The following PRR5L variants were observed in gnomAD, a reference collection of about 807,000 sequenced individuals.
PRR5L encodes the protein proline-rich protein 5-like.
In PRR5L, 21 loss-of-function variants were observed where a neutral mutation model predicts 36.4. The observed-to-expected ratio is 0.58, with a 90% CI of 0.41 to 0.83. The LOEUF is 0.83. Ranked by LOEUF, PRR5L falls within the 40% of genes least tolerant of loss-of-function variation. The probability of loss-of-function intolerance (pLI) is 0.00; values close to 1 mark genes in which losing one functional copy is unlikely to be tolerated. For synonymous variants in PRR5L, 188 were observed against 197.0 expected (o/e 0.95, Z 0.38); for missense variants, 381 against 473.3 (o/e 0.80, Z 1.81).
In PRR5L at chr11:36,337,673, A is replaced by G. The variant is rs376922485; in HGVS notation, c.-126+41235A>G. 2.6e-3 allele frequency among the ~76,000 whole-genome samples: 397 copies of G among 152,296 alleles called. 1 individual carries two copies. The highest frequency in any genetic ancestry group is 9.2e-3 in the African/African-American group (384 of 41,564). ...TAGCCTCCTTGCGTCCTTCCTGCAC[A>G]GTTGCTGCCATATTGTTCCGCATGG... On this transcript the variant is annotated intron_variant, in intron 1 of 8. Coordinates refer to ENST00000530639, the MANE Select transcript of PRR5L (RefSeq NM_001160167.2).
chr11:36,332,928 C>T (rs1856733813), intron 1 of PRR5L, among the ~76,000 whole-genome samples: 1 of 152,156 alleles, frequency 6.6e-6, no homozygotes, highest in Non-Finnish European at 1.5e-5. Context: ...ATTACCCAGT[C>T]TTGGGTGTTC....
At chr11:36,357,345 A>C (rs563299268) in intron 1 of PRR5L, among the ~76,000 whole-genome samples, 1 of 152,380 alleles carries the variant, frequency 6.6e-6, no homozygotes, top group African/African-American at 2.4e-5. Context: ...AAGCTGCAGT[A>C]AGTTATATGG....
intron 5 of PRR5L, among the ~76,000 whole-genome samples, chr11:36,436,059 T>C: frequency 6.6e-6 from 1 of 152,320 alleles, no homozygotes; most frequent in South Asian, 2.1e-4. Context: ...ATTTTCCCCC[T>C]GTGAATTTCA....
intron 1 of PRR5L, among the ~76,000 whole-genome samples, chr11:36,369,503 G>A (rs1017096824): frequency 3.9e-5 from 6 of 152,102 alleles, no homozygotes; most frequent in African/African-American, 1.4e-4. Context: ...TGGAAAAGGC[G>A]GTATGGTCTG....
intron 8 of PRR5L, among the ~76,000 whole-genome samples, chr11:36,453,284 CA>C (rs1446261624): frequency 6.6e-6 from 1 of 152,200 alleles, no homozygotes; most frequent in Non-Finnish European, 1.5e-5. Flanking sequence ...GCCTTCAGTT[CA>C]TAAATCCTTA....
chr11:36,330,992 G>C (rs981740696), intron 1 of PRR5L, among the ~76,000 whole-genome samples: 4 of 152,114 alleles, frequency 2.6e-5, no homozygotes, highest in African/African-American at 9.7e-5. Flanking sequence ...TTTTAGTAGA[G>C]ATGGGGTTAC....
intron 2 of PRR5L, among the ~76,000 whole-genome samples, chr11:36,403,059 C>T (rs995927436): frequency 5.3e-5 from 8 of 152,176 alleles, no homozygotes; most frequent in African/African-American, 1.9e-4. Flanking sequence ...GGGCCGCCAG[C>T]GAGGTGAGGG....
chr11:36,380,439 G>A (rs895544580), intron 1 of PRR5L: 4 of 152,134 alleles, frequency 2.6e-5, no homozygotes, highest in Non-Finnish European at 5.9e-5. Flanking sequence ...GGACCTGTTT[G>A]CATTTTAATT....
intron 8 of PRR5L, among the ~76,000 whole-genome samples, chr11:36,462,003 T>C (rs748105310): frequency 2.0e-5 from 3 of 152,090 alleles, no homozygotes; most frequent in Non-Finnish European, 4.4e-5. Context: ...CAGAGGACAT[T>C]GATTGAAAGG....
At chr11:36,369,136 T>C (rs1857173278) in intron 1 of PRR5L, among the ~76,000 whole-genome samples, 1 of 152,222 alleles carries the variant, frequency 6.6e-6, no homozygotes. Context: ...GTGGTGATGA[T>C]AATCTGGGGT....
At chr11:36,310,352 G>T (rs1393933254) in intron 1 of PRR5L, among the ~76,000 whole-genome samples, 2 of 152,122 alleles carry the variant, frequency 1.3e-5, no homozygotes, top group East Asian at 3.8e-4. Context: ...CTTAGGAGCT[G>T]TTTACACTTT....
chr11:36,302,397 G>A (rs1328740927), intron 1 of PRR5L, among the ~76,000 whole-genome samples: 1 of 152,194 alleles, frequency 6.6e-6, no homozygotes, highest in African/African-American at 2.4e-5. Context: ...GAGTCACCAA[G>A]AGATGGGAAG....
Position 36,406,991 on chromosome 11 carries a change from C to T in PRR5L, c.245+3613C>T, listed in dbSNP as rs142420010. Among the ~76,000 whole-genome samples, 800 of 152,266 alleles carry T rather than the reference C, an allele frequency of 5.3e-3. 10 individuals carry two copies. Among genetic ancestry groups the T allele is most frequent in the African/African-American group, 0.018 (754 of 41,548 alleles). ...AAATGAGGATAATAATAGCACTAAC[C>T]TCATGGTCATTGGGAGGATTGAGAT... On this transcript the variant is annotated intron_variant, in intron 3 of 8. Coordinates refer to ENST00000530639, the MANE Select transcript of PRR5L (RefSeq NM_001160167.2).
chr11:36,417,017 C>CT, intron 3 of PRR5L, among the ~76,000 whole-genome samples: 2 of 152,264 alleles, frequency 1.3e-5, no homozygotes, highest in East Asian at 3.9e-4. Flanking sequence ...ATTTTGAAGT[C>CT]CCCCTTAACC....
rs979118756 is a variant in PRR5L at position 36,377,925 on chromosome 11, T to C, written c.-125-23072T>C. ...CTGGACCTGTTGCCCAGACGACACG[T>C]GCACATTCAGATGACCCATGCTAAG... On this transcript the variant is annotated intron_variant, in intron 1 of 8. Coordinates refer to ENST00000530639, the MANE Select transcript of PRR5L (RefSeq NM_001160167.2). This position sits in a 1 kb window ranked among gnomAD's most constrained non-coding sequence, Gnocchi z 5.1. Among the ~76,000 whole-genome samples the C allele has an allele frequency of 5.3e-5, 8 of 152,120 alleles. No individual in the cohort carries two copies. Among genetic ancestry groups the C allele is most frequent in the African/African-American group, 1.4e-4 (6 of 41,434 alleles).
At chr11:36,438,435 T>C (rs1430944105) in intron 6 of PRR5L, among the ~76,000 whole-genome samples, 1 of 152,242 alleles carries the variant, frequency 6.6e-6, no homozygotes, top group Non-Finnish European at 1.5e-5. Context: ...AATTTTGGAT[T>C]GCTGAAAACA....
chr11:36,315,223 A>T (rs1395680475), intron 1 of PRR5L, among the ~76,000 whole-genome samples: 1 of 152,184 alleles, frequency 6.6e-6, no homozygotes, highest in African/African-American at 2.4e-5. Context: ...ACTGTCGGGG[A>T]GATGAAATGA....
intron 1 of PRR5L, among the ~76,000 whole-genome samples, chr11:36,369,871 ACAGGCATGAAC>A (rs1310840968): frequency 6.6e-6 from 1 of 152,224 alleles, no homozygotes; most frequent in Non-Finnish European, 1.5e-5. Flanking sequence ...TGCTGGGATT[ACAGGCATGAAC>A]CACCATGCCC....
At chr11:36,330,484 C>A (rs1166837196) in intron 1 of PRR5L, among the ~76,000 whole-genome samples, 1 of 152,170 alleles carries the variant, frequency 6.6e-6, no homozygotes, top group Non-Finnish European at 1.5e-5. Flanking sequence ...TAATTAGAAA[C>A]CTGTACTTCT....
Sources: allele counts gnomAD v4.1 joint callset (sites outside exome capture counted in the v4.1 genomes callset), GRCh38; gene constraint gnomAD v4.1.1; non-coding constraint Gnocchi (gnomAD v3.1); transcripts MANE v1.5; gene names NCBI Gene and HGNC (gene_info 2026-07-23, HGNC 2026-07-21).